MICU3: variants seen among roughly 807,000 people sequenced by gnomAD.
The protein encoded by MICU3 is calcium uptake protein 3, mitochondrial.
A neutral mutation model predicts 66.5 loss-of-function variants in MICU3; 62 were observed. The ratio of observed to expected loss-of-function variants is 0.93; its 90% CI spans 0.76 to 1.15. The LOEUF (loss-of-function observed/expected upper bound fraction) is 1.15, where lower values mean the gene tolerates loss of function less well. MICU3 is among the 50% of genes most tolerant of loss of function. The pLI is 0.00. For synonymous variants in MICU3, 308 were observed against 240.7 expected, an observed-to-expected ratio of 1.28 and a Z score of -2.59; for missense variants, 779 against 664.4, an observed-to-expected ratio of 1.17 and a Z score of -1.90.
intron 13 of MICU3, 127 bp downstream of exon 13, chr8:17,116,727 G>A (rs1802717875): frequency 1.5e-6 from 1 of 677,632 alleles, no homozygotes; most frequent in Admixed American, 4.0e-5. Context: ...TATTTGAAAA[G>A]AAAAAACATA....
chr8:17,071,216 G>C (rs1208127275), intron 3 of MICU3, among the ~76,000 whole-genome samples: 1 of 152,102 alleles, frequency 6.6e-6, no homozygotes, highest in African/African-American at 2.4e-5. Context: ...TAGTATACTA[G>C]GGCTGCTATG....
chr8:17,061,860 A>T (rs1023277581), intron 1 of MICU3, among the ~76,000 whole-genome samples: 1 of 152,170 alleles, frequency 6.6e-6, no homozygotes, highest in Non-Finnish European at 1.5e-5. Context: ...CGTTTTTACC[A>T]GTGAGCTGTT....
intron 1 of MICU3, among the ~76,000 whole-genome samples, chr8:17,059,293 A>C (rs1817470249): frequency 6.6e-6 from 1 of 152,224 alleles, no homozygotes; most frequent in South Asian, 2.1e-4. Context: ...AATGATCTCT[A>C]AGGACCATTC....
chr8:17,064,270 G>A lies in MICU3; in HGVS notation c.535+33G>A, dbSNP rs760057682. 6 of 1,550,942 alleles carry A rather than the reference G, an allele frequency of 3.9e-6. No individual in the cohort carries two copies. The South Asian group carries it at 7.3e-5, about 19-fold the overall frequency. ...CACTTTTGAAATTATCTTAATAATT[G>A]TATAATTTTTTTATCTCTAGCTTGT... On this transcript the variant is annotated intron_variant, in intron 2 of 14. Coordinates refer to ENST00000318063, the MANE Select transcript of MICU3 (RefSeq NM_181723.3).
At chr8:17,070,930 C>G (rs191774903) in intron 3 of MICU3, among the ~76,000 whole-genome samples, 1 of 152,020 alleles carries the variant, frequency 6.6e-6, no homozygotes, top group Non-Finnish European at 1.5e-5. Flanking sequence ...GCATATACAG[C>G]GTGGATATAC....
rs1322928167 is a variant in MICU3, at chr8:17,077,813, C to G, written c.598C>G (p.Pro200Ala). Reference sequence around the variant, plus strand: ...AAATCAAATGCTCGCAGAAACACCACCAGTTTGGAAAGGCTCATCGAAGCT... The same window carrying G: ...AAATCAAATGCTCGCAGAAACACCAGCAGTTTGGAAAGGCTCATCGAAGCT... ...ELNQMLAETP[P>A]VWKGSSKLFR... Residue 200 changes from proline (P) to alanine (A), a missense_variant, in exon 4 of 15, where the codon CCA (proline) becomes GCA (alanine). Physicochemically the swap from Pro to Ala is conservative, Grantham distance 27 (BLOSUM62 -1). Coordinates refer to ENST00000318063, the MANE Select transcript of MICU3 (RefSeq NM_181723.3). 3.7e-6 allele frequency: 6 copies of G among 1,611,166 alleles called. No individual in the cohort carries two copies. The African/African-American group carries it at 8.0e-5, about 22-fold the overall frequency.
At chr8:17,103,998 A>G (rs888279150) in intron 9 of MICU3, among the ~76,000 whole-genome samples, 3 of 152,030 alleles carry the variant, frequency 2.0e-5, no homozygotes, top group Middle Eastern at 3.4e-3. Flanking sequence ...TCATTTAAAA[A>G]AACAGATTTT....
In MICU3 at chr8:17,056,340, T is replaced by C. The variant is rs191902144; in HGVS notation, c.382-7744T>C. Among the ~76,000 whole-genome samples, 4 of 152,288 alleles carry C rather than the reference T, an allele frequency of 2.6e-5. No homozygotes were observed. In the East Asian group the frequency reaches 7.7e-4, roughly 29 times the overall value. ...GAGGTTCATAGTCTGGGTCTTGAAGTTGGTTAAGGATTGTGCCAAATGAAT... is the reference window on the plus strand; with the variant it reads ...GAGGTTCATAGTCTGGGTCTTGAAGCTGGTTAAGGATTGTGCCAAATGAAT... On this transcript the variant is annotated intron_variant, in intron 1 of 14. Transcript: ENST00000318063.
chr8:17,082,873 A>T (rs1821407299), intron 5 of MICU3, among the ~76,000 whole-genome samples: 1 of 152,166 alleles, frequency 6.6e-6, no homozygotes, highest in African/African-American at 2.4e-5. Context: ...AGAACAAGGA[A>T]TGTGTACATG....
chr8:17,053,807 G>A (rs1353017064), intron 1 of MICU3, among the ~76,000 whole-genome samples: 1 of 152,180 alleles, frequency 6.6e-6, no homozygotes, highest in Non-Finnish European at 1.5e-5. Flanking sequence ...GTAGAAAGAA[G>A]AAGATTCCCT....
chr8:17,062,447 T>A (rs1348671390), intron 1 of MICU3, among the ~76,000 whole-genome samples: 1 of 152,188 alleles, frequency 6.6e-6, no homozygotes, highest in Non-Finnish European at 1.5e-5. Context: ...TTTCAGTTTT[T>A]ATTTGACTAC....
intron 1 of MICU3, among the ~76,000 whole-genome samples, chr8:17,028,208 A>G (rs756275175): frequency 2.6e-5 from 4 of 152,222 alleles, no homozygotes; most frequent in Non-Finnish European, 4.4e-5. Flanking sequence ...TCTGAAAAGA[A>G]ATAAAAAATT....
At chr8:17,080,801 C>A (rs1399383454) in intron 4 of MICU3, among the ~76,000 whole-genome samples, 1 of 152,142 alleles carries the variant, frequency 6.6e-6, no homozygotes, top group African/African-American at 2.4e-5. Context: ...ACAAAGAAGA[C>A]AGCCTCAAAG....
chr8:17,119,556 G>GATAGATAA (rs10661929), intron 14 of MICU3, among the ~76,000 whole-genome samples: 22,493 of 151,016 alleles, frequency 0.15, 2,045 homozygotes, highest in Admixed American at 0.2. Context: ...TAGATAGATA[G>GATAGATAA]ATAGATAGAT....
Position 17,104,920 on chromosome 8 carries a change from G to C in MICU3, c.1085+429G>C, listed in dbSNP as rs1241704610. ...TGAGGCAGGAGAATGGCGTGAACCC[G>C]GGAGGCGGAGCTTGCAGTGAGCCGA... is the stretch of plus-strand genomic sequence containing the variant. On this transcript the variant is annotated intron_variant, in intron 10 of 14. Transcript: ENST00000318063. Among the ~76,000 whole-genome samples the C allele has an allele frequency of 4.7e-5, 2 of 42,854 alleles. 1 individual carries two copies. The highest frequency in any genetic ancestry group is 7.5e-5 in the Non-Finnish European group (2 of 26,506). The allele number at this position is 42,854 out of a possible 152,430, so 28.1% of individuals were successfully genotyped here.
At chr8:17,043,277 A>C (rs1396648089) in intron 1 of MICU3, among the ~76,000 whole-genome samples, 2 of 152,134 alleles carry the variant, frequency 1.3e-5, no homozygotes, top group Non-Finnish European at 2.9e-5. Context: ...ATCAGATCAG[A>C]AAGGTCCTTA....
chr8:17,121,072 A>G lies in MICU3; in HGVS notation c.*785A>G, dbSNP rs1803163072. 1.3e-5 allele frequency: 2 copies of G among 151,984 alleles called. No individual in the cohort carries two copies. Among genetic ancestry groups the G allele is most frequent in the East Asian group, 1.9e-4 (1 of 5,176 alleles). The allele number at this position is 151,984 out of a possible 1,614,324, so 9.4% of individuals were successfully genotyped here. A position where few individuals can be genotyped will look rare whatever the true frequency, so the allele number is the denominator to read the frequency against. ...AGTTGTTGTAACAGTAATCATTGTC[A>G]TTGTCATTATCTTCTTAAACATGAA... On this transcript the variant is annotated 3_prime_UTR_variant, in exon 15 of 15. Transcript: ENST00000318063.
chr8:17,087,986 C>G (rs1799647702), intron 7 of MICU3, among the ~76,000 whole-genome samples: 1 of 151,904 alleles, frequency 6.6e-6, no homozygotes, highest in African/African-American at 2.4e-5. Flanking sequence ...CTTCAGAGAG[C>G]TAAAACTTTA....
chr8:17,107,278 G>C (rs1337932030), intron 11 of MICU3, among the ~76,000 whole-genome samples: 1 of 152,142 alleles, frequency 6.6e-6, no homozygotes, highest in Non-Finnish European at 1.5e-5. Flanking sequence ...AGAGTGAAGA[G>C]GTAACTTCTG....
Sources: allele counts gnomAD v4.1 joint callset (sites outside exome capture counted in the v4.1 genomes callset), GRCh38; gene constraint gnomAD v4.1.1; transcripts MANE v1.5; gene names NCBI Gene and HGNC (gene_info 2026-07-23, HGNC 2026-07-21).